The following NCS1 variants were observed in gnomAD, a reference collection of about 807,000 sequenced individuals.
NCS1 encodes the protein neuronal calcium sensor 1.
Under a neutral mutation model 28.4 loss-of-function variants are expected in NCS1, and 6 were observed. That is an observed-to-expected ratio of 0.21 (90% CI 0.12 to 0.42). The LOEUF is 0.42. NCS1 is among the 10% of genes least tolerant of loss of function. NCS1 has a pLI of 1.00. For missense variants in NCS1, 131 were observed against 241.4 expected (o/e 0.54, Z 3.03); for synonymous variants, 86 against 99.3 (o/e 0.87, Z 0.79).
intron 2 of NCS1, among the ~76,000 whole-genome samples, chr9:130,206,410 T>C (rs1309218256): frequency 2.7e-4 from 40 of 146,864 alleles, no homozygotes; most frequent in African/African-American, 8.4e-4. Flanking sequence ...TTTCTTTTTT[T>C]TTTTTTTTTT....
chr9:130,227,828 G>A (rs905054960), intron 7 of NCS1, among the ~76,000 whole-genome samples: 5 of 152,238 alleles, frequency 3.3e-5, no homozygotes, highest in Admixed American at 2.0e-4. Flanking sequence ...ACTCTCAGGA[G>A]TATGCAGTTC....
At chr9:130,195,586 G>T (rs1477015948) in intron 1 of NCS1, among the ~76,000 whole-genome samples, 1 of 152,180 alleles carries the variant, frequency 6.6e-6, no homozygotes, top group African/African-American at 2.4e-5. Flanking sequence ...ACCACACCCG[G>T]CTAATTTTTG....
At position 130,222,695 on chromosome 9, in the gene NCS1, G is replaced by A. The variant is rs556192922; in HGVS notation, c.353G>A (p.Arg118Lys). ...YDLDNDGYIT[R>K]NEMLDIVDAI... ...TTGGACAATGATGGCTACATCACCA[G>A]GAATGAGATGCTGGACATTGTGGAT... Residue 118 changes from arginine (R) to lysine (K), a missense_variant, in exon 5 of 8, where the codon AGG (arginine) becomes AAG (lysine). Around this residue, in one of 2 missense-constraint regions of NCS1, gnomAD observed 100 missense variants for 210.3 expected, o/e 0.48. Transcript: ENST00000372398. 1.4e-5 allele frequency: 22 copies of A among 1,613,980 alleles called. No homozygotes were observed. Among genetic ancestry groups the A allele is most frequent in the Non-Finnish European group, 1.8e-5 (21 of 1,180,026 alleles).
chr9:130,176,368 A>T (rs1832571898), intron 1 of NCS1, among the ~76,000 whole-genome samples: 1 of 150,708 alleles, frequency 6.6e-6, no homozygotes, highest in Non-Finnish European at 1.5e-5. Context: ...AATTAAAAAC[A>T]TTTTTTTTGT....
intron 2 of NCS1, among the ~76,000 whole-genome samples, chr9:130,204,020 T>A (rs1832992806): frequency 6.6e-6 from 1 of 152,016 alleles, no homozygotes; most frequent in South Asian, 2.1e-4. Context: ...TGAGACAGAG[T>A]CTCGCCTTGT....
In NCS1 at chr9:130,172,422, C is replaced by T. The variant is rs1832490653; in HGVS notation, c.-242C>T. 6.9e-6 allele frequency among the ~76,000 whole-genome samples: 1 copy of T among 145,808 alleles called. No homozygotes were observed. Among genetic ancestry groups the T allele is most frequent in the Admixed American group, 6.8e-5 (1 of 14,728 alleles). Reference sequence around the variant, plus strand: ...GGAGCCCAGTAACCAGGGACGACCGCGGCCACACCGCGCCGGCGCCGGCGC... The same window carrying T: ...GGAGCCCAGTAACCAGGGACGACCGTGGCCACACCGCGCCGGCGCCGGCGC... On this transcript the variant is annotated 5_prime_UTR_variant, in exon 1 of 8. Coordinates refer to ENST00000372398, the MANE Select transcript of NCS1 (RefSeq NM_014286.4).
chr9:130,232,587 C>T lies in NCS1; in HGVS notation c.*18-403C>T, dbSNP rs1833512956. Among the ~76,000 whole-genome samples the T allele has an allele frequency of 1.3e-5, 2 of 152,132 alleles. No homozygotes were observed. Among genetic ancestry groups the T allele is most frequent in the South Asian group, 4.1e-4 (2 of 4,830 alleles). On this transcript the variant is annotated intron_variant, in intron 7 of 7. Transcript: ENST00000372398. This position sits in a 1 kb window ranked among gnomAD's most constrained non-coding sequence, Gnocchi z 4.4. ...CATGAGGTCAGGAGTTCGAGACCAG[C>T]CTGGCCAAGATGGTGAAACCCTGTC... is the stretch of plus-strand genomic sequence containing the variant.
chr9:130,175,449 G>C lies in NCS1; in HGVS notation c.64+2722G>C, dbSNP rs142623863. ...CCCTCCCGGATTTCCGATTCTTTAG[G>C]TCTGGCTGGGGCCCAGGAATTTGCA... On this transcript the variant is annotated intron_variant, in intron 1 of 7. Coordinates refer to ENST00000372398, the MANE Select transcript of NCS1 (RefSeq NM_014286.4). The surrounding 1 kb of genome is among the most constrained non-coding windows in gnomAD (Gnocchi z 4.9). Among the ~76,000 whole-genome samples, 22 of 152,268 alleles carry C rather than the reference G, an allele frequency of 1.4e-4. No individual in the cohort carries two copies. Among genetic ancestry groups the C allele is most frequent in the Admixed American group, 2.6e-4 (4 of 15,300 alleles).
In NCS1 at chr9:130,200,991, C is replaced by A. The variant is rs371769509; in HGVS notation, c.89+9C>A. 4.8e-5 allele frequency: 77 copies of A among 1,614,042 alleles called. No homozygotes were observed. The highest frequency in any genetic ancestry group is 5.9e-6 in the Non-Finnish European group (7 of 1,180,038). ...AAGGAGGTCCAGCAGTGGTGAGTAG[C>A]TGCTTTTTCTCAAACCGTAGAGGGG... On this transcript the variant is annotated intron_variant, in intron 2 of 7. Coordinates refer to ENST00000372398, the MANE Select transcript of NCS1 (RefSeq NM_014286.4).
intron 2 of NCS1, among the ~76,000 whole-genome samples, chr9:130,206,815 G>A (rs782143165): frequency 6.6e-5 from 10 of 152,258 alleles, no homozygotes; most frequent in Non-Finnish European, 1.5e-4. Context: ...CGGCTTTCAG[G>A]GCAACAGGCA....
chr9:130,200,650 G>C (rs1167340555), intron 1 of NCS1: 1 of 1,551,756 alleles, frequency 6.4e-7, no homozygotes, highest in African/African-American at 1.4e-5. Context: ...AGGGCTGTGG[G>C]AGAAGCAAAC....
Position 130,191,492 on chromosome 9 carries a change from C to T in NCS1, c.65-9466C>T, listed in dbSNP as rs1208026349. 6.6e-6 allele frequency among the ~76,000 whole-genome samples: 1 copy of T among 152,108 alleles called. No individual in the cohort carries two copies. Among genetic ancestry groups the T allele is most frequent in the African/African-American group, 2.4e-5 (1 of 41,430 alleles). ...GGCTCTGGCATCTTTTACATGGAGGCGAGGCAGCCGTGGGGATGTAAGGAA... is the reference window on the plus strand; with the variant it reads ...GGCTCTGGCATCTTTTACATGGAGGTGAGGCAGCCGTGGGGATGTAAGGAA... On this transcript the variant is annotated intron_variant, in intron 1 of 7. Transcript: ENST00000372398. This position sits in a 1 kb window ranked among gnomAD's most constrained non-coding sequence, Gnocchi z 6.4.
chr9:130,176,197 T>TCTTTCTTTTTCTTTCTTTC (rs1554904578), intron 1 of NCS1, among the ~76,000 whole-genome samples: 2 of 123,584 alleles, frequency 1.6e-5, no homozygotes, highest in Admixed American at 8.8e-5. Flanking sequence ...TTTCTTTCTT[T>TCTTTCTTTTTCTTTCTTTC]TTTTTTTTTT....
chr9:130,184,937 C>T (rs1474576936), intron 1 of NCS1, among the ~76,000 whole-genome samples: 2 of 151,602 alleles, frequency 1.3e-5, no homozygotes, highest in Non-Finnish European at 2.9e-5. Context: ...GCAGTCCAGC[C>T]TGGGCGACAG....
intron 6 of NCS1, among the ~76,000 whole-genome samples, chr9:130,223,384 CT>C (rs1311862670): frequency 2.1e-4 from 31 of 148,250 alleles, no homozygotes; most frequent in Admixed American, 6.1e-4. Flanking sequence ...AGTCCTTAGC[CT>C]TTTTTTTTTG....
intron 1 of NCS1, chr9:130,200,649 G>C: frequency 6.4e-7 from 1 of 1,551,862 alleles, no homozygotes; most frequent in South Asian, 1.2e-5. Flanking sequence ...AAGGGCTGTG[G>C]GAGAAGCAAA....
chr9:130,222,096 G>GTGTATATATATATACGTATATATATATA lies in NCS1; in HGVS notation c.308-551_308-550insATATATATATACGTATATATATATATGT, dbSNP rs1564714034. On this transcript the variant is annotated intron_variant, in intron 4 of 7. Coordinates refer to ENST00000372398, the MANE Select transcript of NCS1 (RefSeq NM_014286.4). ...TGTATCTATAAATATATATATGTGT[G>GTGTATATATATATACGTATATATATATA]TGTGTATATATATATACGTATATAT... is the stretch of plus-strand genomic sequence containing the variant. Among the ~76,000 whole-genome samples the GTGTATATATATATACGTATATATATATA allele has an allele frequency of 1.9e-3, 122 of 64,722 alleles. 10 individuals are homozygous for GTGTATATATATATACGTATATATATATA. Among genetic ancestry groups the GTGTATATATATATACGTATATATATATA allele is most frequent in the African/African-American group, 5.7e-3 (106 of 18,630 alleles). The allele number at this position is 64,722 out of a possible 152,430, so 42.5% of individuals were successfully genotyped here. A position where few individuals can be genotyped will look rare whatever the true frequency, so the allele number is the denominator to read the frequency against.
chr9:130,200,481 C>A (rs1360073828), intron 1 of NCS1: 4 of 1,248,342 alleles, frequency 3.2e-6, no homozygotes, highest in African/African-American at 1.5e-5. Flanking sequence ...GGTGGTCCAC[C>A]CTTCTGCTGA....
chr9:130,226,938 G>A lies in NCS1; in HGVS notation c.*17+434G>A, dbSNP rs559306775. ...CTTGGGAGGCTGAGGCAGGAGAACC[G>A]CTTGAACCCAGGAGGTGGAGATTGC... is the stretch of plus-strand genomic sequence containing the variant. On this transcript the variant is annotated intron_variant, in intron 7 of 7. Transcript: ENST00000372398. The surrounding 1 kb of genome is among the most constrained non-coding windows in gnomAD (Gnocchi z 4.8). Among the ~76,000 whole-genome samples, 27 of 149,706 alleles carry A rather than the reference G, an allele frequency of 1.8e-4. No individual in the cohort carries two copies. The highest frequency in any genetic ancestry group is 4.2e-4 in the South Asian group (2 of 4,740).
Sources: gnomAD v4.1 joint callset for allele counts (sites outside exome capture counted in the v4.1 genomes callset) on GRCh38, gnomAD v4.1.1 for gene constraint, gnomAD v4.1.1 regional missense constraint, Gnocchi (gnomAD v3.1) non-coding constraint, MANE v1.5 for transcripts, NCBI Gene and HGNC (gene_info 2026-07-23, HGNC 2026-07-21) for gene names.